ARFGEF3: variants seen among roughly 807,000 people sequenced by gnomAD.
The protein encoded by ARFGEF3 is brefeldin A-inhibited guanine nucleotide-exchange protein 3.
Under a neutral mutation model 221.7 loss-of-function variants are expected in ARFGEF3, and 96 were observed. The ratio of observed to expected loss-of-function variants is 0.43; its 90% confidence interval spans 0.37 to 0.51. The LOEUF (loss-of-function observed/expected upper bound fraction) is 0.51. Ranked by LOEUF, ARFGEF3 falls within the 20% of genes least tolerant of loss-of-function variation. The pLI is 0.00. For synonymous variants in ARFGEF3, 1,145 were observed against 1,126.8 expected, an observed-to-expected ratio of 1.02 and a Z score of -0.32; for missense variants, 2,410 against 2,789.9, an observed-to-expected ratio of 0.86 and a Z score of 3.07.
intron 28 of ARFGEF3, among the ~76,000 whole-genome samples, chr6:138,320,842 A>C (rs913532474): frequency 3.3e-5 from 5 of 152,198 alleles, no homozygotes; most frequent in African/African-American, 9.7e-5. Context: ...ACTGCAACAC[A>C]TAAAAGTGAA....
intron 22 of ARFGEF3, among the ~76,000 whole-genome samples, chr6:138,304,543 C>T (rs967833870): frequency 9.2e-5 from 14 of 152,076 alleles, no homozygotes; most frequent in African/African-American, 2.7e-4. Context: ...TCTAAAGCAG[C>T]GCTTAAAATT....
chr6:138,170,487 G>A (rs1303184804), intron 1 of ARFGEF3, among the ~76,000 whole-genome samples, 175 bp from the exon 2 acceptor site: 1 of 152,106 alleles, frequency 6.6e-6, no homozygotes, highest in Non-Finnish European at 1.5e-5. Context: ...AATCTCTGGG[G>A]CTCTCAAGGG....
chr6:138,201,627 C>T lies in ARFGEF3; in HGVS notation c.138-5415C>T, dbSNP rs149889897. On this transcript the variant is annotated intron_variant, in intron 2 of 33. Transcript: ENST00000251691. ...ATGTGGGAGCTAAGCTATGAAGACGCAAAGGCATAAGAATGATACAATGGG... is the reference window on the plus strand; with the variant it reads ...ATGTGGGAGCTAAGCTATGAAGACGTAAAGGCATAAGAATGATACAATGGG... 2.2e-4 allele frequency among the ~76,000 whole-genome samples: 33 copies of T among 152,236 alleles called. No individual in the cohort carries two copies. In the East Asian group the frequency reaches 5.0e-3, roughly 23 times the overall value.
At chr6:138,171,876 G>A (rs1776843023) in intron 2 of ARFGEF3, among the ~76,000 whole-genome samples, 1 of 151,986 alleles carries the variant, frequency 6.6e-6, no homozygotes, top group African/African-American at 2.4e-5. Context: ...AATTCATTTA[G>A]CAGTTTTCCT....
At chr6:138,278,420 C>A in intron 12 of ARFGEF3, 31 bp from the exon 13 acceptor site, 1 of 1,607,630 alleles carries the variant, frequency 6.2e-7, no homozygotes, top group South Asian at 1.1e-5. Context: ...ACTGTTCACA[C>A]CCCCAAAAGT....
intron 33 of ARFGEF3, 136 bp downstream of exon 33, chr6:138,335,324 A>C: frequency 2.3e-6 from 2 of 861,084 alleles, no homozygotes; most frequent in Non-Finnish European, 3.3e-6. Flanking sequence ...TTCCCTCCAA[A>C]GTCAGAGGAC....
chr6:138,317,457 C>G, intron 27 of ARFGEF3, 78 bp downstream of exon 27: 2 of 1,557,976 alleles, frequency 1.3e-6, no homozygotes, highest in Non-Finnish European at 1.8e-6. Context: ...CTGCAGGTGT[C>G]TGCCTGTTTT....
intron 4 of ARFGEF3, among the ~76,000 whole-genome samples, chr6:138,218,830 C>G (rs9389573): frequency 1.4e-4 from 21 of 152,040 alleles, no homozygotes; most frequent in African/African-American, 4.8e-4. Context: ...TGGGGCATAC[C>G]AATGAAATTT....
At chr6:138,168,045 T>G (rs1022541329) in intron 1 of ARFGEF3, among the ~76,000 whole-genome samples, 1 of 152,190 alleles carries the variant, frequency 6.6e-6, no homozygotes, top group African/African-American at 2.4e-5. Flanking sequence ...AGCTACACTG[T>G]GCTCCCTCTT....
At position 138,328,023 on chromosome 6, in the gene ARFGEF3, G is replaced by C. The variant is rs772649300; in HGVS notation, c.5004G>C (p.Val1668=). Residue 1668 remains valine (V), a splice_region_variant and synonymous_variant, in exon 32 of 34, where the codon GTG becomes GTC. Transcript: ENST00000251691. ...TGTACCTTTGCACCCCCATACAGGT[G>C]TTTATGCTGGACACCCAGTGCTCAC... ...YWRIRAMAQQ[V]FMLDTQCSPK... is the part of the protein sequence containing the mutation. The C allele has an allele frequency of 7.7e-6, 12 of 1,552,382 alleles. No homozygotes were observed. The highest frequency in any genetic ancestry group is 1.0e-5 in the Non-Finnish European group (12 of 1,147,162).
chr6:138,286,173 G>A (rs959351609), intron 15 of ARFGEF3, 120 bp downstream of exon 15: 32 of 693,000 alleles, frequency 4.6e-5, no homozygotes, highest in Middle Eastern at 5.2e-4. Flanking sequence ...TAATTGGGCC[G>A]GGCCCGGTGG....
chr6:138,285,924 C>G lies in ARFGEF3; in HGVS notation c.2462-22C>G, dbSNP rs1344056829. On this transcript the variant is annotated intron_variant, in intron 14 of 33. Transcript: ENST00000251691. ...ACTGGAGTGTTTTATTTAGGGAAAA[C>G]TTCTTTCTTTTTCCTTGACAGATAT... 7.2e-6 allele frequency: 11 copies of G among 1,530,828 alleles called. No individual in the cohort carries two copies. The South Asian group carries it at 1.2e-4, about 17-fold the overall frequency. The allele number at this position is 1,530,828 out of a possible 1,614,324, so 94.8% of individuals were successfully genotyped here. A position where few individuals can be genotyped will look rare whatever the true frequency, so the allele number is the denominator to read the frequency against.
At chr6:138,295,200 A>C (rs746672189) in intron 20 of ARFGEF3, among the ~76,000 whole-genome samples, 8 of 152,194 alleles carry the variant, frequency 5.3e-5, no homozygotes, top group Non-Finnish European at 1.0e-4. Context: ...TTCGGAATCA[A>C]TCAGGTAGGA....
intron 8 of ARFGEF3, among the ~76,000 whole-genome samples, chr6:138,250,337 T>C (rs1168802682): frequency 6.6e-6 from 1 of 152,206 alleles, no homozygotes; most frequent in Non-Finnish European, 1.5e-5. Flanking sequence ...CAAGAATTTC[T>C]GGAAGGATAA....
chr6:138,229,732 T>C, intron 4 of ARFGEF3, 52 bp from the exon 5 acceptor site: 1 of 1,392,284 alleles, frequency 7.2e-7, no homozygotes, highest in Admixed American at 1.7e-5. Context: ...CAACAGTGAA[T>C]TTCCATACTG....
At position 138,337,438 on chromosome 6, in the gene ARFGEF3, C is replaced by T. The variant is rs188640843; in HGVS notation, c.*952C>T. 1.1e-4 allele frequency: 17 copies of T among 152,678 alleles called. No homozygotes were observed. In the East Asian group the frequency reaches 1.9e-3, roughly 17 times the overall value. The allele number at this position is 152,678 out of a possible 1,614,324, so 9.5% of individuals were successfully genotyped here. On this transcript the variant is annotated 3_prime_UTR_variant, in exon 34 of 34. Coordinates refer to ENST00000251691, the MANE Select transcript of ARFGEF3 (RefSeq NM_020340.5). ...TTTTTAAGAAAACAAAACATTAAGA[C>T]GCAACTCATTTTATATCAACACGCT...
chr6:138,290,058 A>T (rs1000606588), intron 18 of ARFGEF3, 90 bp downstream of exon 18: 1 of 1,222,354 alleles, frequency 8.2e-7, no homozygotes, highest in Non-Finnish European at 1.1e-6. Flanking sequence ...GGTGGCCTTA[A>T]GAGCCTGCCA....
chr6:138,305,788 C>A (rs1392863726), intron 22 of ARFGEF3, among the ~76,000 whole-genome samples: 2 of 152,024 alleles, frequency 1.3e-5, no homozygotes, highest in South Asian at 2.1e-4. Context: ...ATAGACAAAA[C>A]ATTTAACAAA....
At chr6:138,243,708 T>G in intron 7 of ARFGEF3, among the ~76,000 whole-genome samples, 2 of 138,890 alleles carry the variant, frequency 1.4e-5, no homozygotes, top group Admixed American at 7.0e-5. Flanking sequence ...GAGATGGAGG[T>G]GAGGAGGAGG....
Sources: allele counts gnomAD v4.1 joint callset (sites outside exome capture counted in the v4.1 genomes callset), GRCh38; gene constraint gnomAD v4.1.1; transcripts MANE v1.5; gene names NCBI Gene and HGNC (gene_info 2026-07-23, HGNC 2026-07-21).